TTC19: variants seen among roughly 807,000 people sequenced by gnomAD.
TTC19 encodes tetratricopeptide repeat protein 19, mitochondrial.
In TTC19, 38 loss-of-function variants were observed where a neutral mutation model predicts 49.5. The ratio of observed to expected loss-of-function variants is 0.77; its 90% confidence interval spans 0.59 to 1.01. TTC19 has a LOEUF of 1.01. TTC19 is among the 50% of genes least tolerant of loss of function. TTC19 has a pLI of 0.00. For missense variants in TTC19, 475 were observed against 477.7 expected (o/e 0.99, Z 0.05); for synonymous variants, 204 against 185.2 (o/e 1.10, Z -0.83).
At chr17:16,031,771 T>C (rs1201856296), downstream of TTC19, 6 of 230,386 alleles carry the variant, frequency 2.6e-5, no homozygotes, top group East Asian at 3.7e-4. Flanking sequence ...GGAAACAATA[T>C]CAGATAAAAG....
At chr17:16,034,686 C>A in intron 2 of TTC19, 1 of 1,279,444 alleles carries the variant, frequency 7.8e-7, no homozygotes, top group South Asian at 1.4e-5. Flanking sequence ...AGAAGAGTTG[C>A]TGAATTTTGA....
At chr17:16,040,648 A>AT (rs761392010) in intron 2 of TTC19, 16,603 of 622,820 alleles carry the variant, frequency 0.027, 106 homozygotes, top group African/African-American at 0.069. Flanking sequence ...AAATGGAAGT[A>AT]TTTTTTTTTT....
rs1351569328 is a variant in TTC19 at position 16,003,824 on chromosome 17, C to G, written c.463-7C>G. On this transcript the variant is annotated splice_polypyrimidine_tract_variant and splice_region_variant and intron_variant, in intron 4 of 9. Transcript: ENST00000261647. Reference sequence around the variant, plus strand: ...TTAAAAGAAAAATCTTTTCCTTATGCTTTTAGGCTGAACAACTTTTTAAAG... The same window carrying G: ...TTAAAAGAAAAATCTTTTCCTTATGGTTTTAGGCTGAACAACTTTTTAAAG... 5 of 1,613,132 alleles carry G rather than the reference C, an allele frequency of 3.1e-6. No individual in the cohort carries two copies. In the Admixed American group the frequency reaches 8.3e-5, roughly 27 times the overall value.
At chr17:16,024,244 T>C (rs1567586369) in intron 7 of TTC19, 1 of 152,202 alleles carries the variant, frequency 6.6e-6, no homozygotes, top group Non-Finnish European at 1.5e-5. Flanking sequence ...GTAAGCTTTA[T>C]TCTTCTTCTC....
At chr17:16,015,481 T>A (rs116777551) in intron 7 of TTC19, among the ~76,000 whole-genome samples, 2,096 of 152,298 alleles carry the variant, frequency 0.014, 42 homozygotes, top group African/African-American at 0.048. Context: ...CTTTTCTAGA[T>A]CCTAATTTTA....
At chr17:16,015,816 A>G (rs1406505755) in intron 7 of TTC19, among the ~76,000 whole-genome samples, 2 of 152,190 alleles carry the variant, frequency 1.3e-5, no homozygotes, top group Non-Finnish European at 2.9e-5. Flanking sequence ...AGGCACTATT[A>G]TATAAGAGTT....
At chr17:16,038,070 G>GTT in intron 2 of TTC19, among the ~76,000 whole-genome samples, 1 of 149,262 alleles carries the variant, frequency 6.7e-6, no homozygotes, top group South Asian at 2.1e-4. Context: ...AACATGTATA[G>GTT]TTTTTTTTTT....
At chr17:16,044,612 G>A in exon 3 of TTC19, 1 of 595,244 alleles carries the variant, frequency 1.7e-6, no homozygotes, top group Non-Finnish European at 3.3e-6. Context: ...CCCCACACTT[G>A]CCCATACCAT....
chr17:16,000,930 T>C (rs1445554543), intron 2 of TTC19, among the ~76,000 whole-genome samples: 1 of 152,218 alleles, frequency 6.6e-6, no homozygotes, highest in Non-Finnish European at 1.5e-5. Context: ...TTCTTAAAAC[T>C]TGTGGTACCT....
At chr17:16,023,073 A>C (rs1037249610) in intron 7 of TTC19, among the ~76,000 whole-genome samples, 1 of 152,174 alleles carries the variant, frequency 6.6e-6, no homozygotes, top group African/African-American at 2.4e-5. Context: ...AACTTTATGA[A>C]ATTTTCTCTT....
At chr17:16,033,450 C>G (rs562516361), downstream of TTC19, among the ~76,000 whole-genome samples, 1 of 151,918 alleles carries the variant, frequency 6.6e-6, no homozygotes, top group Non-Finnish European at 1.5e-5. Context: ...GCAGCAACCA[C>G]TGGTCTGGGC....
rs201953561 is a variant in TTC19, at chr17:16,029,342, C to CTGAT, written c.*1823_*1826dup. On this transcript the variant is annotated 3_prime_UTR_variant, in exon 10 of 10. Transcript: ENST00000261647. ...GCAAAAGGAGGACTGATCTCCTTTA[C>CTGAT]TGATTGGTCTAAATTCAAAAGTGAA... The CTGAT allele has an allele frequency of 3.9e-3, 1,636 of 414,876 alleles. 28 individuals carry two copies. The highest frequency in any genetic ancestry group is 0.031 in the African/African-American group (1,478 of 48,232). The allele number at this position is 414,876 out of a possible 1,614,324, so 25.7% of individuals were successfully genotyped here. A position where few individuals can be genotyped will look rare whatever the true frequency, so the allele number is the denominator to read the frequency against.
chr17:16,027,353 C>T, intron 9 of TTC19, 21 bp from the exon 10 acceptor site: 1 of 1,613,656 alleles, frequency 6.2e-7, no homozygotes, highest in South Asian at 1.1e-5. Context: ...CTTACTGTCC[C>T]TTCTCTCTGG....
chr17:16,044,876 T>G, exon 3 of TTC19: 1 of 761,950 alleles, frequency 1.3e-6, no homozygotes, highest in Non-Finnish European at 2.3e-6. Flanking sequence ...CCACTGCTGC[T>G]GCTCCAGCTG....
At chr17:16,017,353 G>A (rs1344643928) in intron 7 of TTC19, among the ~76,000 whole-genome samples, 4 of 151,248 alleles carry the variant, frequency 2.6e-5, no homozygotes, top group African/African-American at 9.7e-5. Context: ...GGAGGCTGAG[G>A]CAGGAGAATG....
rs751447356 is a variant in TTC19, at chr17:16,027,364, G to C, written c.995-10G>C. On this transcript the variant is annotated splice_polypyrimidine_tract_variant and intron_variant, in intron 9 of 9. Transcript: ENST00000261647. ...TCTTCTTACTGTCCCTTCTCTCTGG[G>C]TTATTTTAGAACGATATACACAAGC... is the stretch of plus-strand genomic sequence containing the variant. 5.0e-6 allele frequency: 8 copies of C among 1,613,716 alleles called. No individual in the cohort carries two copies. The African/African-American group carries it at 1.1e-4, about 22-fold the overall frequency.
At chr17:16,025,214 T>C in intron 8 of TTC19, 43 bp downstream of exon 8, 1 of 1,593,898 alleles carries the variant, frequency 6.3e-7, no homozygotes, top group Non-Finnish European at 8.6e-7. Context: ...AAACAAAGGC[T>C]TCAAAATTGA....
intron 6 of TTC19, among the ~76,000 whole-genome samples, chr17:16,005,106 G>A (rs756988565): frequency 9.9e-5 from 15 of 152,186 alleles, no homozygotes; most frequent in Non-Finnish European, 2.2e-4. Context: ...TGTTGAGTAA[G>A]ACAAATTCAT....
chr17:16,022,298 G>C (rs1438230659), intron 7 of TTC19, among the ~76,000 whole-genome samples: 3 of 152,174 alleles, frequency 2.0e-5, no homozygotes, highest in Non-Finnish European at 4.4e-5. Context: ...GCTGTGCAGG[G>C]AAAGGATGTG....
Sources: gnomAD v4.1 joint callset for allele counts (sites outside exome capture counted in the v4.1 genomes callset) on GRCh38, gnomAD v4.1.1 for gene constraint, MANE v1.5 for transcripts, NCBI Gene and HGNC (gene_info 2026-07-23, HGNC 2026-07-21) for gene names.